Variants in STK32B observed in about 807,000 individuals in gnomAD.
STK32B encodes the protein serine/threonine kinase 32B.
Under a neutral mutation model 52.6 loss-of-function variants are expected in STK32B, and 43 were observed. The ratio of observed to expected loss-of-function variants is 0.82; its 90% confidence interval spans 0.64 to 1.05. The LOEUF is 1.05. Among genes scored for constraint, STK32B ranks in the 50% least tolerant of loss-of-function variants. STK32B has a pLI of 0.00. For missense variants in STK32B, 621 were observed against 534.6 expected (o/e 1.16, Z -1.59); for synonymous variants, 238 against 204.3 (o/e 1.17, Z -1.41).
At chr4:5,144,826 ATCC>A (rs1560175607) in intron 2 of STK32B, among the ~76,000 whole-genome samples, 105 of 149,780 alleles carry the variant, frequency 7.0e-4, no homozygotes, top group African/African-American at 2.5e-3. Context: ...CCATCCATCC[ATCC>A]ATCCAACATA....
At chr4:5,296,185 T>C (rs140073066) in intron 3 of STK32B, among the ~76,000 whole-genome samples, 67 of 152,328 alleles carry the variant, frequency 4.4e-4, no homozygotes, top group African/African-American at 1.4e-3. Context: ...CTTCCAATTA[T>C]GTGGTCAATT....
chr4:5,097,812 C>T (rs967074851), intron 1 of STK32B, among the ~76,000 whole-genome samples: 3 of 152,204 alleles, frequency 2.0e-5, no homozygotes, highest in Non-Finnish European at 4.4e-5. Context: ...TGCTGCATAA[C>T]AAATTGCCCT....
intron 9 of STK32B, among the ~76,000 whole-genome samples, chr4:5,462,306 TTGTGTGTC>T (rs1003001628): frequency 1.1e-4 from 17 of 151,460 alleles, no homozygotes; most frequent in African/African-American, 2.2e-4. Flanking sequence ...GTGTACCTGC[TTGTGTGTC>T]TGTGTGTCTG....
chr4:5,366,450 C>T (rs1475513209), intron 4 of STK32B, among the ~76,000 whole-genome samples: 5 of 152,194 alleles, frequency 3.3e-5, no homozygotes, highest in Admixed American at 3.3e-4. Flanking sequence ...CAGGAACAAG[C>T]TTATTAATCT....
chr4:5,393,379 G>A (rs1736700474), intron 4 of STK32B, among the ~76,000 whole-genome samples: 1 of 152,178 alleles, frequency 6.6e-6, no homozygotes, highest in Non-Finnish European at 1.5e-5. Context: ...TTATAAGTGA[G>A]GAAGCTAATG....
At chr4:5,335,657 C>T (rs1183508289) in intron 4 of STK32B, among the ~76,000 whole-genome samples, 1 of 151,604 alleles carries the variant, frequency 6.6e-6, no homozygotes, top group Non-Finnish European at 1.5e-5. Flanking sequence ...TGAATGTGTC[C>T]CAGAGATTCT....
intron 1 of STK32B, among the ~76,000 whole-genome samples, chr4:5,074,164 T>A (rs1711938046): frequency 6.9e-6 from 1 of 144,906 alleles, no homozygotes; most frequent in Non-Finnish European, 1.5e-5. Context: ...CTACCGGAGA[T>A]TCTGTTCATT....
chr4:5,300,421 G>T (rs1348907415), intron 3 of STK32B, among the ~76,000 whole-genome samples: 3 of 152,164 alleles, frequency 2.0e-5, no homozygotes, highest in Non-Finnish European at 4.4e-5. Flanking sequence ...AGTACTGGAA[G>T]TTCCAGCCAG....
chr4:5,137,666 A>C (rs1343784441), intron 1 of STK32B, among the ~76,000 whole-genome samples: 1 of 152,176 alleles, frequency 6.6e-6, no homozygotes, highest in Non-Finnish European at 1.5e-5. Context: ...TGACAGACTG[A>C]CTGAATAGAG....
chr4:5,385,031 T>C (rs28684570), intron 4 of STK32B, among the ~76,000 whole-genome samples: 1 of 151,576 alleles, frequency 6.6e-6, no homozygotes, highest in Non-Finnish European at 1.5e-5. Context: ...AACCCTCGAG[T>C]CGTGGTGGGA....
intron 3 of STK32B, among the ~76,000 whole-genome samples, chr4:5,182,892 A>G (rs1042031092): frequency 2.0e-5 from 3 of 152,288 alleles, no homozygotes; most frequent in Middle Eastern, 6.8e-3. Flanking sequence ...AGAGCTCTTG[A>G]GTGACCAGGT....
intron 3 of STK32B, among the ~76,000 whole-genome samples, chr4:5,272,541 C>T (rs1015536464): frequency 1.7e-4 from 26 of 151,366 alleles, no homozygotes; most frequent in African/African-American, 4.9e-4. Flanking sequence ...GGGAGGATTC[C>T]CTCTTTTTCT....
At chr4:5,133,076 G>A (rs1032448785) in intron 1 of STK32B, among the ~76,000 whole-genome samples, 2 of 152,206 alleles carry the variant, frequency 1.3e-5, no homozygotes, top group African/African-American at 2.4e-5. Context: ...GGGATTACAG[G>A]CATGAGCCAC....
At chr4:5,288,384 C>T (rs989915589) in intron 3 of STK32B, among the ~76,000 whole-genome samples, 1 of 152,132 alleles carries the variant, frequency 6.6e-6, no homozygotes, top group African/African-American at 2.4e-5. Context: ...GGTTCAAATC[C>T]TATGTGCACC....
chr4:5,025,568 C>T, the STK32B span, among the ~76,000 whole-genome samples: 741 of 152,210 alleles, frequency 4.9e-3, 6 homozygotes, highest in African/African-American at 0.017. Context: ...ACAGTGTCTC[C>T]GAAAGTCCCC....
chr4:5,432,665 A>C (rs1281326366), intron 6 of STK32B, among the ~76,000 whole-genome samples: 1 of 152,230 alleles, frequency 6.6e-6, no homozygotes, highest in East Asian at 1.9e-4. Flanking sequence ...TGTAATAAGA[A>C]TAGTGGCCAA....
intron 4 of STK32B, among the ~76,000 whole-genome samples, chr4:5,377,199 A>T (rs1735642957): frequency 6.6e-6 from 1 of 152,164 alleles, no homozygotes; most frequent in South Asian, 2.1e-4. Flanking sequence ...CTTTAAAAAT[A>T]CCCAACCCCA....
At chr4:5,157,867 T>C (rs181705593) in intron 2 of STK32B, among the ~76,000 whole-genome samples, 4 of 152,358 alleles carry the variant, frequency 2.6e-5, no homozygotes, top group South Asian at 2.1e-4. Context: ...GCTATTCCTA[T>C]GTAGGAATCA....
intron 11 of STK32B, among the ~76,000 whole-genome samples, chr4:5,492,526 G>A (rs1276048716): frequency 4.9e-4 from 74 of 151,906 alleles, no homozygotes; most frequent in East Asian, 2.5e-3. Flanking sequence ...TGCAAAGAGG[G>A]ACAATTTGAC....
Sources: allele counts gnomAD v4.1 joint callset (sites outside exome capture counted in the v4.1 genomes callset), GRCh38; gene constraint gnomAD v4.1.1; transcripts MANE v1.5; gene names NCBI Gene and HGNC (gene_info 2026-07-23, HGNC 2026-07-21).